Variants in LSAMP observed in about 807,000 individuals in gnomAD.
The protein encoded by LSAMP is limbic system associated membrane protein.
A neutral mutation model predicts 38.6 loss-of-function variants in LSAMP; 7 were observed. The ratio of observed to expected loss-of-function variants is 0.18; its 90% CI spans 0.10 to 0.34. The LOEUF (loss-of-function observed/expected upper bound fraction) is 0.34, where lower values mean the gene tolerates loss of function less well. Among genes scored for constraint, LSAMP ranks in the 10% least tolerant of loss-of-function variants. LSAMP has a pLI of 1.00. For missense variants in LSAMP, 313 were observed against 420.0 expected (o/e 0.75, Z 2.23); for synonymous variants, 154 against 166.8 (o/e 0.92, Z 0.59).
At chr3:115,958,912 A>G (rs1394424181) in intron 3 of LSAMP, among the ~76,000 whole-genome samples, 1 of 152,174 alleles carries the variant, frequency 6.6e-6, no homozygotes, top group Non-Finnish European at 1.5e-5. Context: ...ACGTGGGGCC[A>G]GGAGGACTGT....
At chr3:116,154,556 C>T (rs934600816) in intron 1 of LSAMP, among the ~76,000 whole-genome samples, 5 of 152,232 alleles carry the variant, frequency 3.3e-5, no homozygotes, top group Admixed American at 6.5e-5. Flanking sequence ...TTCTACAATG[C>T]CCTGCCTGGT....
intron 1 of LSAMP, among the ~76,000 whole-genome samples, chr3:116,148,742 T>C (rs1709543128): frequency 6.6e-6 from 1 of 152,020 alleles, no homozygotes; most frequent in Non-Finnish European, 1.5e-5. Flanking sequence ...CAGAGTAATT[T>C]AACATGTGAT....
chr3:115,972,124 C>T (rs1487003774), intron 3 of LSAMP, among the ~76,000 whole-genome samples: 1 of 151,998 alleles, frequency 6.6e-6, no homozygotes. Flanking sequence ...CATGAACAAA[C>T]TCTAAACTCC....
intron 1 of LSAMP, among the ~76,000 whole-genome samples, chr3:116,317,729 G>C (rs1046727332): frequency 3.3e-5 from 5 of 151,932 alleles, no homozygotes; most frequent in African/African-American, 1.2e-4. Context: ...CATGATTTTT[G>C]TTTTTAATTA....
intron 2 of LSAMP, among the ~76,000 whole-genome samples, chr3:116,066,103 G>C (rs73858512): frequency 0.016 from 2,471 of 152,204 alleles, 61 homozygotes; most frequent in African/African-American, 0.055. Context: ...CAAAGATCAA[G>C]GTGCCAACAG....
intron 1 of LSAMP, among the ~76,000 whole-genome samples, chr3:116,223,007 G>T (rs1182630733): frequency 6.6e-6 from 1 of 151,858 alleles, no homozygotes; most frequent in Non-Finnish European, 1.5e-5. Flanking sequence ...CAAAGTGCTG[G>T]GATTACAGGC....
intron 1 of LSAMP, among the ~76,000 whole-genome samples, chr3:116,176,936 A>G (rs1338761588): frequency 7.4e-6 from 1 of 134,442 alleles, no homozygotes; most frequent in Admixed American, 8.0e-5. Context: ...ATCTTCTAAC[A>G]TAGTTAATTT....
intron 2 of LSAMP, among the ~76,000 whole-genome samples, chr3:116,084,898 C>G (rs930131162): frequency 1.3e-5 from 2 of 151,454 alleles, no homozygotes; most frequent in African/African-American, 4.9e-5. Context: ...CCTAAGTAAA[C>G]TAGTTATCTC....
At position 116,426,781 on chromosome 3, in the gene LSAMP, A is replaced by T. The variant is rs1429440850; in HGVS notation, c.155+18096T>A. ...TACCATATTTCCTAACTCTGTAACA[A>T]CATGGTGCTGTCAACAGCATAGTGA... is the stretch of plus-strand genomic sequence containing the variant. On this transcript the variant is annotated intron_variant, in intron 1 of 6. Transcript: ENST00000490035. Among the ~76,000 whole-genome samples the T allele has an allele frequency of 1.2e-4, 19 of 152,152 alleles. 1 individual carries two copies. Among genetic ancestry groups the T allele is most frequent in the Admixed American group, 1.2e-3 (19 of 15,276 alleles).
chr3:116,171,493 A>G (rs548025389), intron 1 of LSAMP, among the ~76,000 whole-genome samples: 1 of 152,142 alleles, frequency 6.6e-6, no homozygotes, highest in Non-Finnish European at 1.5e-5. Flanking sequence ...TCCACAAATA[A>G]CAATCAAATG....
chr3:116,304,184 C>T (rs564235534), intron 1 of LSAMP, among the ~76,000 whole-genome samples: 4 of 151,942 alleles, frequency 2.6e-5, no homozygotes, highest in Non-Finnish European at 4.4e-5. Flanking sequence ...ATTGTGTGCC[C>T]TCAAGGAGTT....
chr3:116,312,625 G>A (rs17646070), intron 1 of LSAMP, among the ~76,000 whole-genome samples: 7 of 151,996 alleles, frequency 4.6e-5, no homozygotes, highest in African/African-American at 1.7e-4. Context: ...ATATGCCAGA[G>A]CATGCAGGGC....
chr3:116,183,509 T>TAC (rs1473899641), intron 1 of LSAMP, among the ~76,000 whole-genome samples: 1 of 151,838 alleles, frequency 6.6e-6, no homozygotes, highest in Non-Finnish European at 1.5e-5. Context: ...TAGAAATGGG[T>TAC]ATGTACATCA....
intron 3 of LSAMP, among the ~76,000 whole-genome samples, chr3:115,854,191 TTATC>T (rs1480025030): frequency 6.6e-6 from 1 of 151,332 alleles, no homozygotes; most frequent in Non-Finnish European, 1.5e-5. Context: ...CACATTATCT[TTATC>T]TAGCACATGC....
chr3:116,098,129 C>T (rs1708264027), intron 1 of LSAMP, among the ~76,000 whole-genome samples: 2 of 152,138 alleles, frequency 1.3e-5, no homozygotes. Context: ...TCAAACAGAT[C>T]TATCACAGGC....
intron 1 of LSAMP, among the ~76,000 whole-genome samples, chr3:116,408,010 G>A (rs577528624): frequency 6.6e-6 from 1 of 152,090 alleles, no homozygotes; most frequent in Non-Finnish European, 1.5e-5. Flanking sequence ...TTAAGGAGTA[G>A]GCTTGAGGTA....
intron 3 of LSAMP, among the ~76,000 whole-genome samples, chr3:115,938,470 C>A (rs1937785636): frequency 6.6e-6 from 1 of 152,076 alleles, no homozygotes; most frequent in Non-Finnish European, 1.5e-5. Flanking sequence ...ACAAAAAAGT[C>A]AAGCATCATA....
chr3:116,277,539 T>C (rs2107678121), intron 1 of LSAMP, among the ~76,000 whole-genome samples: 1 of 151,946 alleles, frequency 6.6e-6, no homozygotes, highest in Non-Finnish European at 1.5e-5. Flanking sequence ...CTGGCTAATT[T>C]TTTTGTATTT....
chr3:115,958,390 C>A (rs1409801741), intron 3 of LSAMP, among the ~76,000 whole-genome samples: 1 of 152,058 alleles, frequency 6.6e-6, no homozygotes, highest in Non-Finnish European at 1.5e-5. Context: ...TCTTTGACAG[C>A]CTTACAACTG....
Sources: gnomAD v4.1 joint callset for allele counts (sites outside exome capture counted in the v4.1 genomes callset) on GRCh38, gnomAD v4.1.1 for gene constraint, MANE v1.5 for transcripts, NCBI Gene and HGNC (gene_info 2026-07-23, HGNC 2026-07-21) for gene names.